MIPOL1: variants seen among roughly 807,000 people sequenced by gnomAD.
The protein encoded by MIPOL1 is mirror-image polydactyly 1, also known as mirror-image polydactyly gene 1 protein.
A neutral mutation model predicts 60.9 loss-of-function variants in MIPOL1; 57 were observed. That is an observed-to-expected ratio of 0.94 (90% CI 0.76 to 1.17). MIPOL1 has a LOEUF of 1.17. MIPOL1 is among the 50% of genes most tolerant of loss of function. The pLI is 0.00. For missense variants in MIPOL1, 551 were observed against 511.6 expected, an observed-to-expected ratio of 1.08 and a Z score of -0.74; for synonymous variants, 179 against 168.8, an observed-to-expected ratio of 1.06 and a Z score of -0.47.
At chr14:37,216,039 G>C (rs1055298005) in intron 1 of MIPOL1, among the ~76,000 whole-genome samples, 2 of 146,428 alleles carry the variant, frequency 1.4e-5, no homozygotes, top group African/African-American at 5.1e-5. Context: ...CTCCAGCCTG[G>C]GTGACAGAGC....
At chr14:37,381,559 G>A (rs1450305835) in intron 10 of MIPOL1, among the ~76,000 whole-genome samples, 2 of 150,656 alleles carry the variant, frequency 1.3e-5, no homozygotes, top group East Asian at 3.9e-4. Flanking sequence ...AGTAAAATCT[G>A]GCCCAACCCA....
intron 10 of MIPOL1, among the ~76,000 whole-genome samples, chr14:37,389,343 A>G (rs2093169505): frequency 6.6e-6 from 1 of 152,090 alleles, no homozygotes; most frequent in African/African-American, 2.4e-5. Context: ...TTATATTTTC[A>G]ACTCTTGAAG....
intron 9 of MIPOL1, among the ~76,000 whole-genome samples, chr14:37,340,946 T>G (rs1035222448): frequency 6.6e-6 from 1 of 152,152 alleles, no homozygotes; most frequent in Non-Finnish European, 1.5e-5. Flanking sequence ...TTCATACCTT[T>G]TCTATGTTTA....
chr14:37,389,405 C>T (rs896807991), intron 10 of MIPOL1, among the ~76,000 whole-genome samples: 10 of 151,916 alleles, frequency 6.6e-5, no homozygotes, highest in South Asian at 2.1e-4. Context: ...TATTTATATA[C>T]GTAAATGAAT....
chr14:37,259,909 T>A (rs2082398768), intron 3 of MIPOL1, among the ~76,000 whole-genome samples: 1 of 152,130 alleles, frequency 6.6e-6, no homozygotes, highest in Non-Finnish European at 1.5e-5. Context: ...CCACCAACCT[T>A]TTCTTTACTT....
chr14:37,551,667 T>C (rs1418359769), downstream of MIPOL1: 1 of 151,544 alleles, frequency 6.6e-6, no homozygotes, highest in Non-Finnish European at 1.5e-5. Context: ...GGTCAGGAGA[T>C]TGAGACCATC....
chr14:37,372,945 A>T (rs7160824), intron 10 of MIPOL1, among the ~76,000 whole-genome samples: 147,494 of 152,258 alleles, frequency 0.97, 71,516 homozygotes, highest in East Asian at 1. Flanking sequence ...AGTAAATTTT[A>T]TCTACTTATG....
chr14:37,483,701 C>T (rs11560071), intron 11 of MIPOL1, among the ~76,000 whole-genome samples: 117,187 of 151,968 alleles, frequency 0.77, 45,718 homozygotes, highest in African/African-American at 0.89. Context: ...AGTGGCATGA[C>T]TGTAGCTCAC....
intron 3 of MIPOL1, among the ~76,000 whole-genome samples, chr14:37,254,540 C>T (rs1428042004): frequency 6.6e-6 from 1 of 151,714 alleles, no homozygotes; most frequent in Non-Finnish European, 1.5e-5. Flanking sequence ...TCCCATACAT[C>T]CCTACCCCCA....
intron 7 of MIPOL1, among the ~76,000 whole-genome samples, chr14:37,302,262 G>GTTTTTTTTTTTTTTTTTT (rs57468146): frequency 2.1e-5 from 2 of 95,032 alleles, no homozygotes; most frequent in Non-Finnish European, 4.2e-5. Flanking sequence ...TGGAACTGTT[G>GTTTTTTTTTTTTTTTTTT]TTTTTTTTTT....
chr14:37,214,426 A>G (rs1957300436), intron 1 of MIPOL1, among the ~76,000 whole-genome samples: 1 of 152,232 alleles, frequency 6.6e-6, no homozygotes, highest in East Asian at 1.9e-4. Context: ...GGTTATAGAT[A>G]GTATTTGCAA....
At chr14:37,422,748 T>G in intron 10 of MIPOL1, 107 bp from the exon 11 acceptor site, 1 of 674,720 alleles carries the variant, frequency 1.5e-6, no homozygotes, top group African/African-American at 1.9e-5. Context: ...ATTCATAGGT[T>G]TTTTTTTTTA....
At chr14:37,537,858 A>T (rs913178712) in intron 12 of MIPOL1, among the ~76,000 whole-genome samples, 1 of 152,208 alleles carries the variant, frequency 6.6e-6, no homozygotes, top group Non-Finnish European at 1.5e-5. Flanking sequence ...ATCAACTTCA[A>T]CAAGAAATGG....
chr14:37,250,876 A>G (rs1022707788), intron 3 of MIPOL1, among the ~76,000 whole-genome samples: 3 of 152,062 alleles, frequency 2.0e-5, no homozygotes, highest in Non-Finnish European at 2.9e-5. Flanking sequence ...TTTTTTTCCT[A>G]GCTTTACTGT....
At chr14:37,316,257 C>T (rs915982215) in intron 9 of MIPOL1, among the ~76,000 whole-genome samples, 1 of 152,066 alleles carries the variant, frequency 6.6e-6, no homozygotes, top group Non-Finnish European at 1.5e-5. Context: ...TCTTGAACTC[C>T]TGACCTCAGG....
chr14:37,242,120 T>C (rs1356604024), intron 1 of MIPOL1, among the ~76,000 whole-genome samples: 2 of 151,944 alleles, frequency 1.3e-5, no homozygotes, highest in African/African-American at 2.4e-5. Flanking sequence ...CAAGGTTTCC[T>C]ATTAAATTCC....
chr14:37,225,937 C>T (rs1448482643), intron 1 of MIPOL1, among the ~76,000 whole-genome samples: 1 of 152,166 alleles, frequency 6.6e-6, no homozygotes, highest in Admixed American at 6.6e-5. Context: ...TCATCTCTCT[C>T]AAGTTCAAAG....
chr14:37,466,636 A>G (rs897031644), intron 11 of MIPOL1, among the ~76,000 whole-genome samples: 3 of 152,204 alleles, frequency 2.0e-5, no homozygotes, highest in African/African-American at 7.2e-5. Flanking sequence ...AGCACTCTAC[A>G]TTCTTGTCAA....
intron 11 of MIPOL1, among the ~76,000 whole-genome samples, chr14:37,437,192 A>C (rs1353297233): frequency 3.3e-5 from 5 of 152,134 alleles, no homozygotes; most frequent in Non-Finnish European, 4.4e-5. Context: ...ATTCCCCAAA[A>C]ATATCTTCTA....
Sources: allele counts gnomAD v4.1 joint callset (sites outside exome capture counted in the v4.1 genomes callset), GRCh38; gene constraint gnomAD v4.1.1; transcripts MANE v1.5; gene names NCBI Gene and HGNC (gene_info 2026-07-23, HGNC 2026-07-21).